Variants in MAK observed in about 807,000 individuals in gnomAD.
MAK encodes serine/threonine-protein kinase MAK.
Under a neutral mutation model 82.6 loss-of-function variants are expected in MAK, and 65 were observed. That is an observed-to-expected ratio of 0.79 (90% CI 0.64 to 0.97). The LOEUF (loss-of-function observed/expected upper bound fraction) is 0.97, where lower values mean the gene tolerates loss of function less well. MAK is among the 50% of genes least tolerant of loss of function. The pLI, the probability that MAK is intolerant of heterozygous loss-of-function variation, is 0.00. For missense variants in MAK, 703 were observed against 780.2 expected, an observed-to-expected ratio of 0.90 and a Z score of 1.18; for synonymous variants, 250 against 274.2, an observed-to-expected ratio of 0.91 and a Z score of 0.87.
chr6:10,795,935 G>A (rs989863061), intron 9 of MAK, 63 bp downstream of exon 9: 232 of 1,550,066 alleles, frequency 1.5e-4, no homozygotes, highest in Non-Finnish European at 1.7e-4. Flanking sequence ...GAAATGCCTC[G>A]AAAAAAATCT....
At chr6:10,778,721 G>A (rs1581656767) in intron 11 of MAK, among the ~76,000 whole-genome samples, 1 of 152,100 alleles carries the variant, frequency 6.6e-6, no homozygotes, top group Non-Finnish European at 1.5e-5. Context: ...TGTTAAGAAA[G>A]TGAAAAAGCA....
At position 10,808,895 on chromosome 6, in the gene MAK, G is replaced by C; in HGVS notation, c.406C>G (p.Pro136Ala). The C allele has an allele frequency of 6.2e-7, 1 of 1,613,304 alleles. No individual in the cohort carries two copies. Among genetic ancestry groups the C allele is most frequent in the Non-Finnish European group, 8.5e-7 (1 of 1,179,692 alleles). ...AAATCAGCAATTTTCACAAGCTCTGGACCCATACAAAGCAAGTTTTCTGGT... is the reference window on the plus strand; with the variant it reads ...AAATCAGCAATTTTCACAAGCTCTGCACCCATACAAAGCAAGTTTTCTGGT... ...MKPENLLCMG[P>A]ELVKIADFGL... is the part of the protein sequence containing the mutation. Residue 136 changes from proline (P) to alanine (A), a missense_variant, in exon 6 of 15, where the codon CCA becomes GCA. Transcript: ENST00000354489.
Position 10,770,139 on chromosome 6 carries a change from GTGGATCC to G in MAK, c.1757_1763del (p.Arg586ThrfsTer2). The G allele has an allele frequency of 6.2e-7, 1 of 1,614,166 alleles. No individual in the cohort carries two copies. The highest frequency in any genetic ancestry group is 8.5e-7 in the Non-Finnish European group (1 of 1,180,024). On this transcript the variant is annotated frameshift_variant, in exon 14 of 15. Coordinates refer to ENST00000354489, the MANE Select transcript of MAK (RefSeq NM_001242957.3). LOFTEE classifies it high-confidence loss of function. The stretch of plus-strand genomic sequence containing the variant: ...AAGCCGTTGCATTGAGAGGTGCTAA[GTGGATCC>G]TCTGGCCAGCTGACTGCACTTCTTT...
At chr6:10,764,677 T>A in intron 14 of MAK, 71 bp from the exon 15 acceptor site, 1 of 1,335,620 alleles carries the variant, frequency 7.5e-7, no homozygotes, top group Non-Finnish European at 1.1e-6. Flanking sequence ...AAGAAATTCA[T>A]CCTCTCATTT....
At position 10,765,096 on chromosome 6, in the gene MAK, CAA is replaced by C. The variant is rs35882467; in HGVS notation, c.1793-492_1793-491del. Reference sequence around the variant, plus strand: ...GGGCGACAAGAGTGAAACTCCATCTCAAAAAAAAAAAAAAAGAATTTTCAGTA... The same window carrying C: ...GGGCGACAAGAGTGAAACTCCATCTCAAAAAAAAAAAAAGAATTTTCAGTA... On this transcript the variant is annotated intron_variant, in intron 14 of 14. Coordinates refer to ENST00000354489, the MANE Select transcript of MAK (RefSeq NM_001242957.3). Among the ~76,000 whole-genome samples, 1,258 of 137,194 alleles carry C rather than the reference CAA, an allele frequency of 9.2e-3. 12 individuals are homozygous for C. Among genetic ancestry groups the C allele is most frequent in the African/African-American group, 0.025 (916 of 36,464 alleles). 90.0% of individuals were successfully genotyped at this position (137,194 alleles called of 152,430 possible).
At chr6:10,774,559 C>T (rs918970415) in intron 12 of MAK, among the ~76,000 whole-genome samples, 13 of 152,096 alleles carry the variant, frequency 8.5e-5, no homozygotes, top group Non-Finnish European at 1.3e-4. Flanking sequence ...CTCTATTCTT[C>T]AAACGCTCTT....
chr6:10,796,396 A>G (rs1775568293), intron 8 of MAK, 87 bp from the exon 9 acceptor site: 1 of 1,074,242 alleles, frequency 9.3e-7, no homozygotes, highest in Middle Eastern at 2.7e-4. Context: ...TGTGCGAGGC[A>G]TTTATCATTA....
intron 2 of MAK, among the ~76,000 whole-genome samples, chr6:10,824,599 C>G (rs370688898): frequency 9.1e-4 from 138 of 152,232 alleles, no homozygotes; most frequent in African/African-American, 3.2e-3. Context: ...AGTCTCCCCT[C>G]TCCATACAGA....
chr6:10,770,880 G>A (rs573929204), intron 13 of MAK, among the ~76,000 whole-genome samples: 5 of 152,210 alleles, frequency 3.3e-5, no homozygotes, highest in African/African-American at 9.6e-5. Flanking sequence ...CTGAAATGAG[G>A]GAGGATGAGG....
chr6:10,832,711 C>T (rs191285946), intron 1 of MAK, among the ~76,000 whole-genome samples: 3 of 152,266 alleles, frequency 2.0e-5, no homozygotes, highest in African/African-American at 4.8e-5. Flanking sequence ...GTTGGACAGG[C>T]TGGTCTCAAA....
intron 6 of MAK, among the ~76,000 whole-genome samples, chr6:10,805,026 G>A (rs980202085): frequency 1.1e-4 from 16 of 146,318 alleles, no homozygotes; most frequent in Non-Finnish European, 1.8e-4. Context: ...CAGGTGAACT[G>A]GGGTGCCTGT....
At position 10,791,615 on chromosome 6, in the gene MAK, A is replaced by G. The variant is rs1382963913; in HGVS notation, c.1316+60T>C. On this transcript the variant is annotated intron_variant, in intron 10 of 14. Coordinates refer to ENST00000354489, the MANE Select transcript of MAK (RefSeq NM_001242957.3). Reference sequence around the variant, plus strand: ...TAGGGTCTACATGCATTTATATTTAATGAGTAAAATAAAGTTAATGCATGG... The same window carrying G: ...TAGGGTCTACATGCATTTATATTTAGTGAGTAAAATAAAGTTAATGCATGG... 4.1e-6 allele frequency: 6 copies of G among 1,468,816 alleles called. No individual in the cohort carries two copies. In the African/African-American group the frequency reaches 8.3e-5, roughly 20 times the overall value. The allele number at this position is 1,468,816 out of a possible 1,614,324, so 91.0% of individuals were successfully genotyped here.
rs865872355 is a variant in MAK at position 10,786,452 on chromosome 6, G to T, written c.1317-1880C>A. On this transcript the variant is annotated intron_variant, in intron 10 of 14. Coordinates refer to ENST00000354489, the MANE Select transcript of MAK (RefSeq NM_001242957.3). The stretch of plus-strand genomic sequence containing the variant: ...ACCTCCTATTCACCACTCCACTAAT[G>T]CACCAGTTCACCTCCTATTCACCAC... Among the ~76,000 whole-genome samples the T allele has an allele frequency of 9.3e-4, 112 of 120,552 alleles. 1 individual carries two copies. The highest frequency in any genetic ancestry group is 3.5e-3 in the African/African-American group (96 of 27,306). The allele number at this position is 120,552 out of a possible 152,430, so 79.1% of individuals were successfully genotyped here. A position where few individuals can be genotyped will look rare whatever the true frequency, so the allele number is the denominator to read the frequency against.
chr6:10,823,279 G>A (rs569928383), intron 2 of MAK, among the ~76,000 whole-genome samples: 3 of 152,160 alleles, frequency 2.0e-5, no homozygotes, highest in South Asian at 2.1e-4. Context: ...ATTCCATATG[G>A]AACTTGTTAA....
At chr6:10,806,522 T>A (rs1414235809) in intron 6 of MAK, among the ~76,000 whole-genome samples, 1 of 146,316 alleles carries the variant, frequency 6.8e-6, no homozygotes, top group Non-Finnish European at 1.5e-5. Flanking sequence ...TTTTTTTTTT[T>A]TTTTTTTTGT....
intron 6 of MAK, among the ~76,000 whole-genome samples, chr6:10,806,177 C>CTTT (rs70991047): frequency 7.1e-6 from 1 of 140,928 alleles, no homozygotes; most frequent in African/African-American, 2.7e-5. Context: ...GCCATCTTTT[C>CTTT]TTTTTTTTTT....
intron 2 of MAK, among the ~76,000 whole-genome samples, chr6:10,821,466 C>T (rs1004577913): frequency 4.0e-5 from 6 of 150,648 alleles, no homozygotes; most frequent in South Asian, 4.2e-4. Context: ...AGTACAGATG[C>T]GGTTTTGCCA....
At chr6:10,808,281 G>T (rs530074696) in intron 6 of MAK, among the ~76,000 whole-genome samples, 2 of 152,158 alleles carry the variant, frequency 1.3e-5, no homozygotes, top group South Asian at 4.2e-4. Flanking sequence ...TCTAAGATTC[G>T]TCCACATTGC....
intron 10 of MAK, among the ~76,000 whole-genome samples, chr6:10,789,698 C>T (rs1187973245): frequency 6.6e-6 from 1 of 152,238 alleles, no homozygotes; most frequent in Non-Finnish European, 1.5e-5. Context: ...CTCACTCTCA[C>T]TCAGGCTGGA....
Sources: allele counts gnomAD v4.1 joint callset (sites outside exome capture counted in the v4.1 genomes callset), GRCh38; gene constraint gnomAD v4.1.1; transcripts MANE v1.5; gene names NCBI Gene and HGNC (gene_info 2026-07-23, HGNC 2026-07-21).